Variants in WWC2 observed in about 807,000 individuals in gnomAD.
WWC2 encodes protein WWC2.
Under a neutral mutation model 138.5 loss-of-function variants are expected in WWC2, and 101 were observed. The observed-to-expected ratio is 0.73, with a 90% CI of 0.62 to 0.86. The LOEUF is 0.86. WWC2 is among the 40% of genes least tolerant of loss of function. WWC2 has a pLI of 0.00. For missense variants in WWC2, 1,420 were observed against 1,419.4 expected, an observed-to-expected ratio of 1.00 and a Z score of -0.01; for synonymous variants, 558 against 538.4, an observed-to-expected ratio of 1.04 and a Z score of -0.50.
At chr4:183,149,209 G>A (rs1396165979) in intron 1 of WWC2, among the ~76,000 whole-genome samples, 1 of 152,088 alleles carries the variant, frequency 6.6e-6, no homozygotes, top group East Asian at 1.9e-4. Context: ...GCCTTTTACA[G>A]TCCCCTTCTC....
Position 183,274,422 on chromosome 4 carries a change from C to T in WWC2, c.2562+3181C>T, listed in dbSNP as rs376722960. 7.2e-4 allele frequency among the ~76,000 whole-genome samples: 110 copies of T among 152,222 alleles called. No individual in the cohort carries two copies. In the Middle Eastern group the frequency reaches 0.01, roughly 14 times the overall value. ...AATAATATTTCATAGTTTTCAGAGT[C>T]AAAGTTTGCATTTCTTTCATTTTTC... is the stretch of plus-strand genomic sequence containing the variant. On this transcript the variant is annotated intron_variant, in intron 16 of 22. Transcript: ENST00000403733.
In WWC2 at chr4:183,253,802, C is replaced by G; in HGVS notation, c.999C>G (p.Ala333=). 6.2e-7 allele frequency: 1 copy of G among 1,613,514 alleles called. No homozygotes were observed. The highest frequency in any genetic ancestry group is 8.5e-7 in the Non-Finnish European group (1 of 1,179,800). Residue 333 remains alanine, a synonymous_variant, in exon 9 of 23, where the codon GCC becomes GCG. Transcript: ENST00000403733. The stretch of plus-strand genomic sequence containing the variant: ...AACTGTCAAAATTGGACAGTGAGGC[C>G]TGGCCTGGGGCACTGGATATTGAGA... ...KIELSKLDSE[A]WPGALDIEKE...
In WWC2 at chr4:183,265,687, G is replaced by A. The variant is rs773269948; in HGVS notation, c.2040-1G>A. The A allele has an allele frequency of 1.9e-6, 3 of 1,608,804 alleles. No individual in the cohort carries two copies. The Admixed American group carries it at 5.1e-5, about 27-fold the overall frequency. On this transcript the variant is annotated splice_acceptor_variant, in intron 12 of 22. Transcript: ENST00000403733. LOFTEE classifies it high-confidence loss of function. ...TGTTCATCTACTCCCTGTCCATATA[G>A]ACCTAGTGAAATGGAAGATGTCACA... is the stretch of plus-strand genomic sequence containing the variant.
At chr4:183,147,822 G>C (rs939272519) in intron 1 of WWC2, among the ~76,000 whole-genome samples, 1 of 152,178 alleles carries the variant, frequency 6.6e-6, no homozygotes, top group Non-Finnish European at 1.5e-5. Context: ...TATCAAGGCA[G>C]ATAGAAGAAC....
chr4:183,278,236 T>A (rs1312525498), intron 16 of WWC2, among the ~76,000 whole-genome samples: 1 of 152,178 alleles, frequency 6.6e-6, no homozygotes, highest in East Asian at 1.9e-4. Context: ...AAATAGGGAA[T>A]CCTTTCCCCA....
At chr4:183,151,945 A>C (rs1196306629) in intron 1 of WWC2, among the ~76,000 whole-genome samples, 1 of 149,840 alleles carries the variant, frequency 6.7e-6, no homozygotes, top group Admixed American at 6.6e-5. Flanking sequence ...AAACAATTTA[A>C]AAAATTACAT....
At chr4:183,284,067 A>T (rs1738165145) in intron 18 of WWC2, among the ~76,000 whole-genome samples, 159 bp from the exon 19 acceptor site, 1 of 152,206 alleles carries the variant, frequency 6.6e-6, no homozygotes, top group Non-Finnish European at 1.5e-5. Context: ...AGTACTTCAG[A>T]AGTACTATAG....
At chr4:183,259,399 A>C (rs1018193265) in intron 9 of WWC2, among the ~76,000 whole-genome samples, 1 of 152,094 alleles carries the variant, frequency 6.6e-6, no homozygotes, top group African/African-American at 2.4e-5. Context: ...ATTCTAGGCT[A>C]CCAGCAATTT....
chr4:183,187,582 A>AATAATT (rs1553966212), intron 1 of WWC2, among the ~76,000 whole-genome samples: 1 of 140,534 alleles, frequency 7.1e-6, no homozygotes, highest in Non-Finnish European at 1.5e-5. Flanking sequence ...TAATAATAAT[A>AATAATT]ATAATAGGCA....
intron 2 of WWC2, among the ~76,000 whole-genome samples, chr4:183,194,225 A>G (rs1317252340): frequency 6.6e-6 from 1 of 152,186 alleles, no homozygotes; most frequent in Admixed American, 6.5e-5. Flanking sequence ...TGGAAGGGAA[A>G]AACCTCTCAT....
intron 1 of WWC2, among the ~76,000 whole-genome samples, chr4:183,119,220 T>A (rs1347535914): frequency 1.3e-5 from 2 of 152,218 alleles, no homozygotes; most frequent in African/African-American, 2.4e-5. Context: ...GCCGTTAAGA[T>A]GAATTTCCAT....
intron 1 of WWC2, among the ~76,000 whole-genome samples, chr4:183,104,109 G>C (rs1047892832): frequency 5.9e-5 from 9 of 152,030 alleles, no homozygotes; most frequent in African/African-American, 2.2e-4. Flanking sequence ...ACAGGCACCT[G>C]CCACCACGCC....
intron 4 of WWC2, among the ~76,000 whole-genome samples, chr4:183,212,832 A>C (rs1335998120): frequency 6.6e-6 from 1 of 152,142 alleles, no homozygotes; most frequent in African/African-American, 2.4e-5. Flanking sequence ...ATGTAGCGGA[A>C]TCTCTTAGAT....
intron 2 of WWC2, among the ~76,000 whole-genome samples, chr4:183,196,646 C>T (rs1262765193): frequency 1.3e-5 from 2 of 152,222 alleles, no homozygotes; most frequent in African/African-American, 2.4e-5. Flanking sequence ...TCATCTCCTG[C>T]CCTGCCTGGC....
At chr4:183,199,672 G>A (rs1444948999) in intron 2 of WWC2, among the ~76,000 whole-genome samples, 1 of 152,210 alleles carries the variant, frequency 6.6e-6, no homozygotes, top group East Asian at 1.9e-4. Flanking sequence ...AGGAAGAACA[G>A]AAATATGCAT....
At chr4:183,217,094 C>T (rs2111256954) in intron 4 of WWC2, among the ~76,000 whole-genome samples, 1 of 152,272 alleles carries the variant, frequency 6.6e-6, no homozygotes, top group Non-Finnish European at 1.5e-5. Flanking sequence ...TGAAAGCAAA[C>T]ATTGAAAGGA....
chr4:183,224,625 A>G (rs1026437154), intron 4 of WWC2, among the ~76,000 whole-genome samples: 1 of 152,174 alleles, frequency 6.6e-6, no homozygotes, highest in Non-Finnish European at 1.5e-5. Context: ...CACTGGCGCC[A>G]TCTCAGCTCA....
intron 4 of WWC2, among the ~76,000 whole-genome samples, chr4:183,238,701 C>A (rs1001500600): frequency 1.3e-5 from 2 of 152,172 alleles, no homozygotes; most frequent in African/African-American, 2.4e-5. Context: ...TCAATTGAAA[C>A]ACTGTTTCCT....
intron 4 of WWC2, among the ~76,000 whole-genome samples, chr4:183,220,557 G>T (rs933075300): frequency 1.4e-4 from 21 of 151,298 alleles, no homozygotes; most frequent in African/African-American, 4.8e-4. Context: ...AAAAATGGCC[G>T]GGCGCGGTGG....
Sources: gnomAD v4.1 joint callset for allele counts (sites outside exome capture counted in the v4.1 genomes callset) on GRCh38, gnomAD v4.1.1 for gene constraint, MANE v1.5 for transcripts, NCBI Gene and HGNC (gene_info 2026-07-23, HGNC 2026-07-21) for gene names.